The following DCAF8 variants were observed in gnomAD, a reference collection of about 807,000 sequenced individuals.
DCAF8 encodes DDB1- and CUL4-associated factor 8.
Under a neutral mutation model 68.0 loss-of-function variants are expected in DCAF8, and 20 were observed. The ratio of observed to expected loss-of-function variants is 0.29; its 90% CI spans 0.21 to 0.43. DCAF8 has a LOEUF of 0.43. Ranked by LOEUF, DCAF8 falls within the 20% of genes least tolerant of loss-of-function variation. DCAF8 has a pLI of 1.00. For synonymous variants in DCAF8, 230 were observed against 276.9 expected (o/e 0.83, Z 1.68); for missense variants, 460 against 771.0 (o/e 0.60, Z 4.78).
At position 160,218,859 on chromosome 1, in the gene DCAF8, C is replaced by T; in HGVS notation, c.1550G>A (p.Gly517Glu). 1.3e-5 allele frequency: 21 copies of T among 1,614,124 alleles called. No individual in the cohort carries two copies. The highest frequency in any genetic ancestry group is 1.7e-5 in the Non-Finnish European group (20 of 1,180,012). The change falls in exon 12 of 14, where the codon GGG (glycine) becomes GAG (glutamate). Residue 517 changes from glycine to glutamate, a missense_variant. By Grantham distance (98) the Gly-to-Glu change is moderately conservative. Around this residue, in one of 8 missense-constraint regions of DCAF8, gnomAD observed 80 missense variants for 115.1 expected, o/e 0.70. Transcript: ENST00000368074. Reference protein sequence around the residue: ...PTAEASTELTGLKDVIKKNKR... With the variant: ...PTAEASTELTELKDVIKKNKR... Reference sequence around the variant, plus strand: ...CAGTCAGCCACTTACATCTTTTAACCCTGTCAGCTCAGTGGAAGCTTCAGC... The same window carrying T: ...CAGTCAGCCACTTACATCTTTTAACTCTGTCAGCTCAGTGGAAGCTTCAGC...
At chr1:160,257,886 T>C (rs751782671) in intron 2 of DCAF8, among the ~76,000 whole-genome samples, 1 of 152,180 alleles carries the variant, frequency 6.6e-6, no homozygotes, top group East Asian at 1.9e-4. Flanking sequence ...ACTTGCCCCA[T>C]GCTTGGCTTT....
intron 2 of DCAF8, among the ~76,000 whole-genome samples, chr1:160,254,576 G>A (rs776614834): frequency 6.6e-5 from 10 of 151,726 alleles, no homozygotes; most frequent in East Asian, 1.9e-4. Flanking sequence ...GGTGGATCAC[G>A]AGGTCAAGAG....
At chr1:160,239,077 G>A in intron 4 of DCAF8, 1 of 771,646 alleles carries the variant, frequency 1.3e-6, no homozygotes, top group Non-Finnish European at 1.6e-6. Context: ...GATTAAGAAA[G>A]TAAATATAAA....
chr1:160,230,365 T>C lies in DCAF8; in HGVS notation c.1070+932A>G, dbSNP rs188897971. Among the ~76,000 whole-genome samples the C allele has an allele frequency of 4.6e-5, 7 of 152,280 alleles. No homozygotes were observed. In the East Asian group the frequency reaches 1.3e-3, roughly 29 times the overall value. On this transcript the variant is annotated intron_variant, in intron 7 of 13. Coordinates refer to ENST00000368074, the MANE Select transcript of DCAF8 (RefSeq NM_015726.4). ...TGAGCCCAAAGAAACATAGTTAAAA[T>C]AGGCCAACTGGATAGGGATGGATAC...
At chr1:160,231,045 C>T (rs980945871) in intron 7 of DCAF8, among the ~76,000 whole-genome samples, 1 of 152,104 alleles carries the variant, frequency 6.6e-6, no homozygotes, top group Admixed American at 6.6e-5. Flanking sequence ...TGAGCCACTA[C>T]ACCTGACCAT....
intron 13 of DCAF8, 85 bp from the exon 14 acceptor site, chr1:160,217,793 T>A (rs1655173567): frequency 2.8e-6 from 3 of 1,057,648 alleles, no homozygotes; most frequent in Non-Finnish European, 2.9e-6. Context: ...TTAGATGCTT[T>A]AGGCCAGAGA....
intron 3 of DCAF8, among the ~76,000 whole-genome samples, chr1:160,242,244 CAAAA>C (rs200596217): frequency 1.6e-5 from 1 of 63,770 alleles, no homozygotes; most frequent in Admixed American, 1.8e-4. Flanking sequence ...AACTCTGTCT[CAAAA>C]AAAAAAAAAA....
intron 3 of DCAF8, among the ~76,000 whole-genome samples, chr1:160,241,143 C>T (rs573889469): frequency 1.1e-3 from 164 of 152,230 alleles, no homozygotes; most frequent in Non-Finnish European, 2.0e-3. Flanking sequence ...CAAAGCGAGA[C>T]TCCATCTCAA....
intron 2 of DCAF8, among the ~76,000 whole-genome samples, chr1:160,250,651 G>A (rs1047410127): frequency 1.4e-4 from 21 of 152,072 alleles, no homozygotes; most frequent in Admixed American, 1.1e-3. Flanking sequence ...ACTTGAAAAC[G>A]AAAGTGCTGA....
At chr1:160,219,838 AGAGT>A (rs1655240744) in intron 11 of DCAF8, 1 of 152,264 alleles carries the variant, frequency 6.6e-6, no homozygotes, top group Admixed American at 6.5e-5. Flanking sequence ...CCCATCCAGA[AGAGT>A]TAGTTCCAGA....
chr1:160,239,226 A>G (rs1656002330), intron 4 of DCAF8: 1 of 1,112,798 alleles, frequency 9.0e-7, no homozygotes, highest in Non-Finnish European at 1.1e-6. Flanking sequence ...ATAAGCTAAC[A>G]TTTATCAAAT....
rs768925105 is a variant in DCAF8, at chr1:160,231,320, C to G, written c.1047G>C (p.Val349=). 6.2e-7 allele frequency: 1 copy of G among 1,613,966 alleles called. No individual in the cohort carries two copies. ...ACCTTACAAACTGATCTCGTCCACC[C>G]ACTGCAAACTGGTGGGTATTGGCAG... ...VNPANTHQFA[V]GGRDQFVRIY... The change falls in exon 7 of 14, where the codon GTG becomes GTC. Residue 349 remains valine, a synonymous_variant. Coordinates refer to ENST00000368074, the MANE Select transcript of DCAF8 (RefSeq NM_015726.4).
chr1:160,252,918 T>C (rs1656656605), intron 2 of DCAF8, among the ~76,000 whole-genome samples: 1 of 152,174 alleles, frequency 6.6e-6, no homozygotes, highest in African/African-American at 2.4e-5. Context: ...GCCGACATGT[T>C]AGGAAGGTAC....
chr1:160,254,411 T>C (rs1405844463), intron 2 of DCAF8, among the ~76,000 whole-genome samples: 1 of 152,206 alleles, frequency 6.6e-6, no homozygotes, highest in African/African-American at 2.4e-5. Flanking sequence ...TTTGTATTCC[T>C]ACTGTCATTT....
intron 2 of DCAF8, among the ~76,000 whole-genome samples, chr1:160,255,618 TTTTTTA>T (rs1415946939): frequency 6.6e-6 from 1 of 151,720 alleles, no homozygotes; most frequent in Non-Finnish European, 1.5e-5. Context: ...TAATTATTGT[TTTTTTA>T]TTTTTATTTT....
At chr1:160,258,043 A>G (rs1201641859) in intron 2 of DCAF8, among the ~76,000 whole-genome samples, 1 of 152,100 alleles carries the variant, frequency 6.6e-6, no homozygotes, top group Non-Finnish European at 1.5e-5. Flanking sequence ...GCAGATTCTT[A>G]TACATTTAAT....
At chr1:160,262,291 AG>A (rs1270434904) in intron 1 of DCAF8, 157 bp downstream of exon 1, 7 of 398,820 alleles carry the variant, frequency 1.8e-5, no homozygotes, top group Non-Finnish European at 1.8e-5. Flanking sequence ...AGGTCAAGGG[AG>A]GGGGGGTGTC....
chr1:160,232,639 T>C (rs1365610614), intron 6 of DCAF8, among the ~76,000 whole-genome samples: 1 of 142,170 alleles, frequency 7.0e-6, no homozygotes, highest in Admixed American at 7.0e-5. Flanking sequence ...AGACTCTGTC[T>C]CAAAAAAAAA....
chr1:160,241,725 T>C (rs1656124208), intron 3 of DCAF8, among the ~76,000 whole-genome samples: 2 of 152,248 alleles, frequency 1.3e-5, no homozygotes, highest in South Asian at 4.1e-4. Flanking sequence ...AAGTAAAAGC[T>C]GTCAGGAAAG....
Sources: allele counts gnomAD v4.1 joint callset (sites outside exome capture counted in the v4.1 genomes callset), GRCh38; gene constraint gnomAD v4.1.1; regional missense constraint gnomAD v4.1.1; transcripts MANE v1.5; gene names NCBI Gene and HGNC (gene_info 2026-07-23, HGNC 2026-07-21).